Variants in ZCCHC24 observed in about 807,000 individuals in gnomAD.
ZCCHC24 encodes zinc finger CCHC-type containing 24, also known as zinc finger CCHC domain-containing protein 24.
A neutral mutation model predicts 26.2 loss-of-function variants in ZCCHC24; 10 were observed. The observed-to-expected ratio is 0.38, with a 90% CI of 0.24 to 0.65. The LOEUF (loss-of-function observed/expected upper bound fraction) is 0.65. ZCCHC24 is among the 30% of genes least tolerant of loss of function. The probability of loss-of-function intolerance (pLI) is 0.54; values close to 1 mark genes in which losing one functional copy is unlikely to be tolerated. For missense variants in ZCCHC24, 243 were observed against 329.1 expected (o/e 0.74, Z 2.03); for synonymous variants, 144 against 147.1 (o/e 0.98, Z 0.15).
chr10:79,415,596 C>T (rs1247210429), intron 2 of ZCCHC24, among the ~76,000 whole-genome samples: 1 of 152,164 alleles, frequency 6.6e-6, no homozygotes, highest in East Asian at 1.9e-4. Flanking sequence ...AACCCCTAGC[C>T]CTACTGAGCC....
At chr10:79,422,164 C>T (rs1323083845) in intron 2 of ZCCHC24, among the ~76,000 whole-genome samples, 1 of 152,192 alleles carries the variant, frequency 6.6e-6, no homozygotes, top group Non-Finnish European at 1.5e-5. Context: ...ATCCTCTATC[C>T]CTATGCCACT....
chr10:79,390,935 G>T (rs980281681), intron 3 of ZCCHC24, among the ~76,000 whole-genome samples: 1 of 152,184 alleles, frequency 6.6e-6, no homozygotes, highest in Non-Finnish European at 1.5e-5. Flanking sequence ...GAGCACCGCC[G>T]CTGGGCTCTT....
At chr10:79,444,167 A>G in intron 1 of ZCCHC24, 3 of 1,542,166 alleles carry the variant, frequency 1.9e-6, no homozygotes, top group Non-Finnish European at 2.6e-6. Context: ...CACCTCTTGC[A>G]TCTTTGCAGA....
chr10:79,397,667 G>A (rs971138364), intron 2 of ZCCHC24, among the ~76,000 whole-genome samples: 10 of 152,176 alleles, frequency 6.6e-5, no homozygotes, highest in African/African-American at 2.2e-4. Context: ...CTCCTTGATC[G>A]AAGGTGGGAA....
At chr10:79,424,829 G>T (rs955911657) in intron 2 of ZCCHC24, among the ~76,000 whole-genome samples, 2 of 152,216 alleles carry the variant, frequency 1.3e-5, no homozygotes, top group East Asian at 3.9e-4. Flanking sequence ...TTATTTACAC[G>T]CTTGCTTGGA....
At chr10:79,411,682 C>G (rs1228136215) in intron 2 of ZCCHC24, among the ~76,000 whole-genome samples, 1 of 152,200 alleles carries the variant, frequency 6.6e-6, no homozygotes, top group Non-Finnish European at 1.5e-5. Context: ...CTCCAGCCCA[C>G]ACAGCCTGTG....
chr10:79,391,447 C>A (rs1856477154), intron 3 of ZCCHC24, among the ~76,000 whole-genome samples: 1 of 152,032 alleles, frequency 6.6e-6, no homozygotes, highest in African/African-American at 2.4e-5. Flanking sequence ...GGGCTGAGGG[C>A]TGGAGCCACT....
At chr10:79,422,281 A>G (rs1856953677) in intron 2 of ZCCHC24, among the ~76,000 whole-genome samples, 1 of 151,982 alleles carries the variant, frequency 6.6e-6, no homozygotes, top group South Asian at 2.1e-4. Context: ...CTGGTCCCAG[A>G]GGACACCCAG....
At chr10:79,432,270 C>CTAG (rs2132218064) in intron 2 of ZCCHC24, among the ~76,000 whole-genome samples, 2 of 152,342 alleles carry the variant, frequency 1.3e-5, no homozygotes, top group South Asian at 4.1e-4. Context: ...TGGTGGAGAC[C>CTAG]CAAAGGCACA....
chr10:79,384,987 A>G lies in ZCCHC24; in HGVS notation c.*1358T>C, dbSNP rs1856369334. On this transcript the variant is annotated 3_prime_UTR_variant, in exon 4 of 4. Transcript: ENST00000372336. ...AGGACAGTGGGCTCCCTGGCCACGG[A>G]CGTGCCACGAGGCCTCTCTGCTCCC... The G allele has an allele frequency of 1.3e-5, 2 of 152,224 alleles. No homozygotes were observed. Among genetic ancestry groups the G allele is most frequent in the Admixed American group, 1.3e-4 (2 of 15,282 alleles). 9.4% of individuals were successfully genotyped at this position (152,224 alleles called of 1,614,324 possible).
intron 2 of ZCCHC24, among the ~76,000 whole-genome samples, chr10:79,429,805 C>T (rs1021627288): frequency 1.3e-5 from 2 of 152,142 alleles, no homozygotes; most frequent in East Asian, 1.9e-4. Context: ...TAGGTTCTAA[C>T]ACACTATTTC....
At chr10:79,400,038 C>T (rs1283476459) in intron 2 of ZCCHC24, among the ~76,000 whole-genome samples, 1 of 152,172 alleles carries the variant, frequency 6.6e-6, no homozygotes, top group East Asian at 1.9e-4. Flanking sequence ...CTACAGTCCT[C>T]CCAACCCCTG....
At chr10:79,388,684 C>T (rs1856432471) in intron 3 of ZCCHC24, among the ~76,000 whole-genome samples, 1 of 152,204 alleles carries the variant, frequency 6.6e-6, no homozygotes, top group Non-Finnish European at 1.5e-5. Flanking sequence ...CCAAAAAGGC[C>T]AGACTCAGCA....
intron 2 of ZCCHC24, among the ~76,000 whole-genome samples, chr10:79,431,994 T>G (rs1857137301): frequency 6.6e-6 from 1 of 152,084 alleles, no homozygotes; most frequent in South Asian, 2.1e-4. Context: ...GACCCTCCCT[T>G]CTCACTCCAA....
intron 2 of ZCCHC24, among the ~76,000 whole-genome samples, chr10:79,416,999 C>A (rs1459551492): frequency 1.3e-5 from 2 of 152,238 alleles, no homozygotes; most frequent in African/African-American, 2.4e-5. Context: ...GGATGGCGCA[C>A]TGAAGCCACA....
intron 1 of ZCCHC24, chr10:79,443,952 A>C: frequency 1.8e-6 from 2 of 1,128,482 alleles, no homozygotes; most frequent in Non-Finnish European, 2.4e-6. Context: ...TTGGGCCAGC[A>C]TTTTATATGT....
chr10:79,418,659 G>A (rs1325602430), intron 2 of ZCCHC24, among the ~76,000 whole-genome samples: 4 of 152,204 alleles, frequency 2.6e-5, no homozygotes, highest in Non-Finnish European at 1.5e-5. Context: ...GAGGTCAAAC[G>A]GCCCAGGCTG....
rs116789069 is a variant in ZCCHC24 at position 79,408,644 on chromosome 10, A to G, written c.448-14204T>C. Among the ~76,000 whole-genome samples, 796 of 152,278 alleles carry G rather than the reference A, an allele frequency of 5.2e-3. 9 individuals carry two copies. Among genetic ancestry groups the G allele is most frequent in the African/African-American group, 0.018 (735 of 41,542 alleles). On this transcript the variant is annotated intron_variant, in intron 2 of 3. Transcript: ENST00000372336. ...TTCAGATCATTAAAGCTGTGATGAG[A>G]GATATGAAGGAATGGGGTGTCGTGG...
Position 79,384,320 on chromosome 10 carries a change from C to T in ZCCHC24, c.*2025G>A, listed in dbSNP as rs773235848. 7 of 152,446 alleles carry T rather than the reference C, an allele frequency of 4.6e-5. No homozygotes were observed. Among genetic ancestry groups the T allele is most frequent in the Non-Finnish European group, 8.8e-5 (6 of 68,140 alleles). 9.4% of individuals were successfully genotyped at this position (152,446 alleles called of 1,614,324 possible). On this transcript the variant is annotated 3_prime_UTR_variant, in exon 4 of 4. Transcript: ENST00000372336. ...GCACAGCTGGCAGGCCCCAGGCATCCTTGGGCCAAGGTCCCCCATGGCCGG... is the reference window on the plus strand; with the variant it reads ...GCACAGCTGGCAGGCCCCAGGCATCTTTGGGCCAAGGTCCCCCATGGCCGG...
Sources: gnomAD v4.1 joint callset for allele counts (sites outside exome capture counted in the v4.1 genomes callset) on GRCh38, gnomAD v4.1.1 for gene constraint, MANE v1.5 for transcripts, NCBI Gene and HGNC (gene_info 2026-07-23, HGNC 2026-07-21) for gene names.